Variants in CDH20 observed in about 807,000 individuals in gnomAD.
The protein encoded by CDH20 is cadherin 20, also known as cadherin-20.
In CDH20, 29 loss-of-function variants were observed where a neutral mutation model predicts 74.2. The observed-to-expected ratio is 0.39, with a 90% confidence interval of 0.29 to 0.53. CDH20 has a LOEUF of 0.53. Among genes scored for constraint, CDH20 ranks in the 20% least tolerant of loss-of-function variants. The pLI, the probability that CDH20 is intolerant of heterozygous loss-of-function variation, is 0.69. For missense variants in CDH20, 988 were observed against 1,048.3 expected, an observed-to-expected ratio of 0.94 and a Z score of 0.79; for synonymous variants, 469 against 405.4, an observed-to-expected ratio of 1.16 and a Z score of -1.88.
At chr18:61,361,175 C>T (rs1910680130) in intron 1 of CDH20, among the ~76,000 whole-genome samples, 1 of 152,196 alleles carries the variant, frequency 6.6e-6, no homozygotes. Context: ...TTGTGGGTAC[C>T]TTCCTCTTCT....
intron 6 of CDH20, among the ~76,000 whole-genome samples, chr18:61,508,546 T>C (rs1273493918): frequency 6.6e-6 from 1 of 152,072 alleles, no homozygotes; most frequent in Non-Finnish European, 1.5e-5. Context: ...GTGGTAAATA[T>C]ATATAATGGA....
intron 7 of CDH20, among the ~76,000 whole-genome samples, chr18:61,532,948 CA>C (rs1184206259): frequency 6.6e-6 from 1 of 152,142 alleles, no homozygotes; most frequent in Non-Finnish European, 1.5e-5. Context: ...AAGATGGCTT[CA>C]AGTCTTACCT....
At chr18:61,514,048 C>T (rs553026148) in intron 6 of CDH20, among the ~76,000 whole-genome samples, 20 of 152,180 alleles carry the variant, frequency 1.3e-4, no homozygotes, top group African/African-American at 4.8e-4. Flanking sequence ...CATTGGCCTG[C>T]CTTGCTAGAT....
chr18:61,402,229 C>G (rs554111639), intron 1 of CDH20, among the ~76,000 whole-genome samples: 1 of 152,268 alleles, frequency 6.6e-6, no homozygotes, highest in South Asian at 2.1e-4. Flanking sequence ...GAAAGTTAGA[C>G]ACTAAAGGTA....
At chr18:61,465,251 G>A (rs75276306) in intron 1 of CDH20, among the ~76,000 whole-genome samples, 1,710 of 152,156 alleles carry the variant, frequency 0.011, 30 homozygotes, top group African/African-American at 0.038. Flanking sequence ...CCCTACAGCT[G>A]CTAAAAAGAA....
chr18:61,374,413 CT>C (rs1428589964), intron 1 of CDH20, among the ~76,000 whole-genome samples: 1 of 152,036 alleles, frequency 6.6e-6, no homozygotes, highest in Non-Finnish European at 1.5e-5. Flanking sequence ...CAGGTCCAGT[CT>C]TTTGAATGGA....
chr18:61,379,646 T>C (rs1483201172), intron 1 of CDH20, among the ~76,000 whole-genome samples: 1 of 152,192 alleles, frequency 6.6e-6, no homozygotes, highest in African/African-American at 2.4e-5. Context: ...GGGCATTATG[T>C]AGCTAAGAAA....
intron 1 of CDH20, among the ~76,000 whole-genome samples, chr18:61,394,478 TG>T (rs1911896022): frequency 6.6e-6 from 1 of 152,076 alleles, no homozygotes; most frequent in African/African-American, 2.4e-5. Context: ...AGGCAATGAT[TG>T]GGGTGAGGCT....
At chr18:61,407,881 C>G (rs1282083042) in intron 1 of CDH20, among the ~76,000 whole-genome samples, 1 of 152,132 alleles carries the variant, frequency 6.6e-6, no homozygotes, top group Admixed American at 6.6e-5. Context: ...GGATTGTATC[C>G]TGGACCAGAA....
rs138298118 is a variant in CDH20, at chr18:61,477,724, G to A, written c.-152-12678G>A. Reference sequence around the variant, plus strand: ...AAGATCCATCAGTAATTTTAAAGACGTGGCACATCATGCAAAATTGTCTTC... The same window carrying A: ...AAGATCCATCAGTAATTTTAAAGACATGGCACATCATGCAAAATTGTCTTC... On this transcript the variant is annotated intron_variant, in intron 1 of 11. Coordinates refer to ENST00000262717, the MANE Select transcript of CDH20 (RefSeq NM_031891.4). Among the ~76,000 whole-genome samples, 562 of 152,074 alleles carry A rather than the reference G, an allele frequency of 3.7e-3. 9 individuals are homozygous for A. Among genetic ancestry groups the A allele is most frequent in the South Asian group, 0.022 (107 of 4,818 alleles).
At chr18:61,551,808 T>G (rs1373473417) in intron 11 of CDH20, among the ~76,000 whole-genome samples, 1 of 152,128 alleles carries the variant, frequency 6.6e-6, no homozygotes, top group Non-Finnish European at 1.5e-5. Flanking sequence ...ACTTCTATCT[T>G]TGGAAAATGT....
Position 61,381,974 on chromosome 18 carries a change from C to G in CDH20, c.-153+48147C>G, listed in dbSNP as rs1210080131. Among the ~76,000 whole-genome samples, 18 of 152,158 alleles carry G rather than the reference C, an allele frequency of 1.2e-4. No homozygotes were observed. In the East Asian group the frequency reaches 1.3e-3, roughly 11 times the overall value. The stretch of plus-strand genomic sequence containing the variant: ...GACCCTTCTGTCACTACTACCCCCC[C>G]CAGTATGGTCACAACTTCTGCTACT... On this transcript the variant is annotated intron_variant, in intron 1 of 11. Transcript: ENST00000262717.
At chr18:61,445,855 A>G (rs1357269959) in intron 1 of CDH20, among the ~76,000 whole-genome samples, 1 of 152,134 alleles carries the variant, frequency 6.6e-6, no homozygotes, top group Non-Finnish European at 1.5e-5. Context: ...TGGTCAACCC[A>G]AGATTTGAGG....
chr18:61,366,131 A>G (rs991289479), intron 1 of CDH20, among the ~76,000 whole-genome samples: 2 of 152,134 alleles, frequency 1.3e-5, no homozygotes, highest in Non-Finnish European at 2.9e-5. Flanking sequence ...TGAACTCTCA[A>G]ATTTCATTTG....
At chr18:61,508,222 A>AT (rs1911648624) in intron 6 of CDH20, among the ~76,000 whole-genome samples, 1 of 152,248 alleles carries the variant, frequency 6.6e-6, no homozygotes, top group Non-Finnish European at 1.5e-5. Context: ...AAATACATTA[A>AT]TTTTAAATGA....
In CDH20 at chr18:61,538,602, GTTT is replaced by G. The variant is rs1227502362; in HGVS notation, c.1409-419_1409-417del. ...ACTTTTTGTTTGTTTGTTTGTTTTT[GTTT>G]TTGTTTTTGTTTTTGTTTTGTTTTT... On this transcript the variant is annotated intron_variant, in intron 8 of 11. Transcript: ENST00000262717. 9.9e-3 allele frequency among the ~76,000 whole-genome samples: 501 copies of G among 50,428 alleles called. 64 individuals carry two copies. Among genetic ancestry groups the G allele is most frequent in the African/African-American group, 0.035 (476 of 13,678 alleles). The allele number at this position is 50,428 out of a possible 152,430, so 33.1% of individuals were successfully genotyped here.
chr18:61,349,930 C>T lies in CDH20; in HGVS notation c.-153+16103C>T, dbSNP rs77398979. ...AAGGCAAAGGTGCCATTTCCACCAA[C>T]AAAGCTTATTAGCTAATGTATTTGT... On this transcript the variant is annotated intron_variant, in intron 1 of 11. Coordinates refer to ENST00000262717, the MANE Select transcript of CDH20 (RefSeq NM_031891.4). Among the ~76,000 whole-genome samples the T allele has an allele frequency of 9.0e-3, 1,367 of 152,320 alleles. 20 individuals carry two copies. The highest frequency in any genetic ancestry group is 0.032 in the African/African-American group (1,312 of 41,574).
chr18:61,364,990 A>G (rs1254249721), intron 1 of CDH20, among the ~76,000 whole-genome samples: 1 of 152,200 alleles, frequency 6.6e-6, no homozygotes, highest in African/African-American at 2.4e-5. Flanking sequence ...ACAGAATCTC[A>G]TTTCCTTAAT....
At chr18:61,515,365 A>T (rs1599139703) in intron 6 of CDH20, among the ~76,000 whole-genome samples, 1 of 151,962 alleles carries the variant, frequency 6.6e-6, no homozygotes, top group Non-Finnish European at 1.5e-5. Flanking sequence ...CGGCTCGCGC[A>T]CGGTGCACGC....
Sources: allele counts gnomAD v4.1 joint callset (sites outside exome capture counted in the v4.1 genomes callset), GRCh38; gene constraint gnomAD v4.1.1; transcripts MANE v1.5; gene names NCBI Gene and HGNC (gene_info 2026-07-23, HGNC 2026-07-21).